Variants in CARD14 observed in about 807,000 individuals in gnomAD.
CARD14 encodes caspase recruitment domain family member 14.
CARD14 carries 107 observed loss-of-function variants against 111.5 expected under a neutral mutation model. That is an observed-to-expected ratio of 0.96 (90% CI 0.82 to 1.13). CARD14 has a LOEUF of 1.13. Among genes scored for constraint, CARD14 ranks in the 50% most tolerant of loss-of-function variants. The probability of loss-of-function intolerance (pLI) is 0.00; values close to 1 mark genes in which losing one functional copy is unlikely to be tolerated. For missense variants in CARD14, 1,322 were observed against 1,362.3 expected (o/e 0.97, Z 0.47); for synonymous variants, 617 against 579.6 (o/e 1.06, Z -0.93).
chr17:80,176,769 A>G (rs948086869), intron 2 of CARD14, among the ~76,000 whole-genome samples: 3 of 152,202 alleles, frequency 2.0e-5, no homozygotes, highest in Admixed American at 1.3e-4. Flanking sequence ...TGAGCTCCAC[A>G]GACGATATAG....
intron 7 of CARD14, among the ~76,000 whole-genome samples, chr17:80,186,846 G>A (rs573824488): frequency 1.3e-5 from 2 of 152,136 alleles, no homozygotes; most frequent in African/African-American, 4.8e-5. Context: ...CACCACGCCC[G>A]GCCTCCTGCC....
intron 22 of CARD14, 57 bp from the exon 23 acceptor site, chr17:80,206,913 C>T (rs1384223743): frequency 7.3e-7 from 1 of 1,363,018 alleles, no homozygotes; most frequent in Non-Finnish European, 1.0e-6. Context: ...CGTTGGCTCC[C>T]TTTGCTTCCT....
chr17:80,205,668 G>T lies in CARD14; in HGVS notation c.2691+16G>T, dbSNP rs369768291. On this transcript the variant is annotated intron_variant, in intron 22 of 23. Coordinates refer to ENST00000648509, the MANE Select transcript of CARD14 (RefSeq NM_001366385.1). The stretch of plus-strand genomic sequence containing the variant: ...CATGGAAAAGGTGAGGTCAAGGGCG[G>T]GGTGGGCAGGGGAGCTGTCCTGGGA... 3 of 1,537,870 alleles carry T rather than the reference G, an allele frequency of 2.0e-6. No individual in the cohort carries two copies. The highest frequency in any genetic ancestry group is 2.7e-5 in the African/African-American group (2 of 73,614).
At chr17:80,174,184 T>C (rs1466129712) in intron 2 of CARD14, among the ~76,000 whole-genome samples, 1 of 151,952 alleles carries the variant, frequency 6.6e-6, no homozygotes, top group East Asian at 1.9e-4. Context: ...AAACGGAAAA[T>C]ACAATAAAAT....
Position 80,184,034 on chromosome 17 carries a change from G to A in CARD14, c.471G>A (p.Gln157=), listed in dbSNP as rs762093764. ...TGCTGCGGCGGTGCCAGCAGCTGCAGGAGCACCTGGGCCTGGCCGAGACCC... is the reference window on the plus strand; with the variant it reads ...TGCTGCGGCGGTGCCAGCAGCTGCAAGAGCACCTGGGCCTGGCCGAGACCC... ...EVLLRRCQQL[Q]EHLGLAETRA... Residue 157 remains glutamine (Q), a synonymous_variant, in exon 7 of 24, where the codon CAG becomes CAA. Coordinates refer to ENST00000648509, the MANE Select transcript of CARD14 (RefSeq NM_001366385.1). The A allele has an allele frequency of 1.2e-5, 19 of 1,587,156 alleles. No homozygotes were observed. The highest frequency in any genetic ancestry group is 1.6e-5 in the Non-Finnish European group (19 of 1,166,934).
intron 7 of CARD14, among the ~76,000 whole-genome samples, chr17:80,187,171 C>G (rs940926379): frequency 8.5e-5 from 13 of 152,228 alleles, no homozygotes; most frequent in Non-Finnish European, 1.6e-4. Flanking sequence ...GAACGCTGCT[C>G]CCAGCGTCAC....
chr17:80,200,114 A>T (rs1177682813), intron 16 of CARD14, among the ~76,000 whole-genome samples: 1 of 151,862 alleles, frequency 6.6e-6, no homozygotes, highest in Non-Finnish European at 1.5e-5. Context: ...GCCCCCTTGG[A>T]ACAGGCTGTC....
Position 80,175,970 on chromosome 17 carries a change from T to C in CARD14, c.-366-2538T>C, listed in dbSNP as rs1370590315. Among the ~76,000 whole-genome samples the C allele has an allele frequency of 1.6e-3, 117 of 71,444 alleles. 3 individuals carry two copies. Among genetic ancestry groups the C allele is most frequent in the African/African-American group, 6.3e-3 (111 of 17,490 alleles). The allele number at this position is 71,444 out of a possible 152,430, so 46.9% of individuals were successfully genotyped here. ...TCGGATCGTTTTTTTTTTTTTTTTT[T>C]TTTTTTTTTTTTTTTTTTTTTTAAA... is the stretch of plus-strand genomic sequence containing the variant. On this transcript the variant is annotated intron_variant, in intron 2 of 23. Transcript: ENST00000648509.
chr17:80,180,752 TTGTTTGTTTGTTTGTG>T (rs1403311627), intron 4 of CARD14, among the ~76,000 whole-genome samples: 1 of 144,778 alleles, frequency 6.9e-6, no homozygotes, highest in Non-Finnish European at 1.5e-5. Context: ...ATTTGTTTGT[TTGTTTGTTTGTTTGTG>T]TGTTTGTTTA....
chr17:80,178,023 TC>T (rs1289141283), intron 2 of CARD14, among the ~76,000 whole-genome samples: 3 of 152,148 alleles, frequency 2.0e-5, no homozygotes, highest in African/African-American at 7.2e-5. Context: ...CTCGCAAGCC[TC>T]AATCACCTGT....
At chr17:80,187,535 C>T (rs1014854808) in intron 7 of CARD14, among the ~76,000 whole-genome samples, 4 of 152,216 alleles carry the variant, frequency 2.6e-5, no homozygotes, top group East Asian at 1.9e-4. Context: ...AATCTGTGGA[C>T]GGTGACATGC....
chr17:80,189,639 T>G lies in CARD14; in HGVS notation c.844-114T>G. On this transcript the variant is annotated intron_variant, in intron 8 of 23. Coordinates refer to ENST00000648509, the MANE Select transcript of CARD14 (RefSeq NM_001366385.1). This position sits in a 1 kb window ranked among gnomAD's most constrained non-coding sequence, Gnocchi z 4.7. ...CCTGCCCGGTGTAGAGTGGCAAGAC[T>G]GCATCCGTCCACACACCTGACCGTG... 7.7e-7 allele frequency: 1 copy of G among 1,290,480 alleles called. No individual in the cohort carries two copies. The highest frequency in any genetic ancestry group is 1.0e-6 in the Non-Finnish European group (1 of 981,522). 79.9% of individuals were successfully genotyped at this position (1,290,480 alleles called of 1,614,324 possible). A position where few individuals can be genotyped will look rare whatever the true frequency, so the allele number is the denominator to read the frequency against.
At chr17:80,177,066 G>C (rs987244003) in intron 2 of CARD14, among the ~76,000 whole-genome samples, 1 of 152,164 alleles carries the variant, frequency 6.6e-6, no homozygotes. Context: ...GGTGAGCAGG[G>C]CCGCACCCCC....
In CARD14 at chr17:80,205,375, A is replaced by G. The variant is rs1598713816; in HGVS notation, c.2570-156A>G. 17 of 1,179,596 alleles carry G rather than the reference A, an allele frequency of 1.4e-5. No individual in the cohort carries two copies. In the East Asian group the frequency reaches 4.1e-4, roughly 28 times the overall value. The allele number at this position is 1,179,596 out of a possible 1,614,324, so 73.1% of individuals were successfully genotyped here. A position where few individuals can be genotyped will look rare whatever the true frequency, so the allele number is the denominator to read the frequency against. On this transcript the variant is annotated intron_variant, in intron 21 of 23. Coordinates refer to ENST00000648509, the MANE Select transcript of CARD14 (RefSeq NM_001366385.1). ...TTCAGGATGGAGGTGCAGGGCACAGAGCGGGGTGTGCAGGGTCAGGTTTGT... is the reference window on the plus strand; with the variant it reads ...TTCAGGATGGAGGTGCAGGGCACAGGGCGGGGTGTGCAGGGTCAGGTTTGT...
rs768931223 is a variant in CARD14 at position 80,190,833 on chromosome 17, A to G, written c.1023A>G (p.Gln341=). The change falls in exon 10 of 24, where the codon CAA becomes CAG. Residue 341 remains glutamine, a synonymous_variant. Transcript: ENST00000648509. ...TCCAGAAGAGTAAGATGGCCTGCCA[A>G]CTCTACAGGGAGAAGGTGAATGCGC... is the stretch of plus-strand genomic sequence containing the variant. ...LQFQKSKMAC[Q]LYREKVNALQ... 5 of 1,613,846 alleles carry G rather than the reference A, an allele frequency of 3.1e-6. No individual in the cohort carries two copies. Among genetic ancestry groups the G allele is most frequent in the South Asian group, 2.2e-5 (2 of 91,064 alleles).
chr17:80,175,743 G>A (rs1287822614), intron 2 of CARD14, among the ~76,000 whole-genome samples: 3 of 152,252 alleles, frequency 2.0e-5, no homozygotes, highest in African/African-American at 7.2e-5. Context: ...GCCTGGCTGG[G>A]ATGGGGGCCC....
At position 80,198,879 on chromosome 17, in the gene CARD14, T is replaced by C. The variant is rs1030406861; in HGVS notation, c.1851+288T>C. ...GGCTGCTCTGGGTGGTCACTTTGGG[T>C]GTGTACAGTAAAATACACGTGACAT... is the stretch of plus-strand genomic sequence containing the variant. On this transcript the variant is annotated intron_variant, in intron 16 of 23. Transcript: ENST00000648509. This position sits in a 1 kb window ranked among gnomAD's most constrained non-coding sequence, Gnocchi z 7.5. 7.1e-7 allele frequency: 1 copy of C among 1,415,634 alleles called. No individual in the cohort carries two copies. Among genetic ancestry groups the C allele is most frequent in the Non-Finnish European group, 9.2e-7 (1 of 1,087,508 alleles). 87.7% of individuals were successfully genotyped at this position (1,415,634 alleles called of 1,614,324 possible). A position where few individuals can be genotyped will look rare whatever the true frequency, so the allele number is the denominator to read the frequency against.
Position 80,202,170 on chromosome 17 carries a change from C to G in CARD14, c.1979-10C>G. 6.2e-7 allele frequency: 1 copy of G among 1,606,522 alleles called. No homozygotes were observed. Among genetic ancestry groups the G allele is most frequent in the Non-Finnish European group, 8.5e-7 (1 of 1,173,876 alleles). ...GTGGCTCATCTGTGGCTCATGTCCC[C>G]TTTTATCAGGTTATAAGAGGCTACT... On this transcript the variant is annotated splice_polypyrimidine_tract_variant and intron_variant, in intron 17 of 23. Coordinates refer to ENST00000648509, the MANE Select transcript of CARD14 (RefSeq NM_001366385.1).
In CARD14 at chr17:80,198,652, G is replaced by A; in HGVS notation, c.1851+61G>A. On this transcript the variant is annotated intron_variant, in intron 16 of 23. Transcript: ENST00000648509. The surrounding 1 kb of genome is among the most constrained non-coding windows in gnomAD (Gnocchi z 7.5). ...CCTCATGGGGACAGTGGCAGCGGGT[G>A]GGGTGACCCAGGCAGACTTCACCTC... The A allele has an allele frequency of 1.2e-6, 2 of 1,608,604 alleles. No individual in the cohort carries two copies. The highest frequency in any genetic ancestry group is 2.2e-5 in the East Asian group (1 of 44,866).
Sources: gnomAD v4.1 joint callset for allele counts (sites outside exome capture counted in the v4.1 genomes callset) on GRCh38, gnomAD v4.1.1 for gene constraint, Gnocchi (gnomAD v3.1) non-coding constraint, MANE v1.5 for transcripts, NCBI Gene and HGNC (gene_info 2026-07-23, HGNC 2026-07-21) for gene names.